The following GRIN2B variants were observed in gnomAD, a reference collection of about 807,000 sequenced individuals.
The protein encoded by GRIN2B is glutamate receptor ionotropic, NMDA 2B.
GRIN2B carries 5 observed loss-of-function variants against 114.5 expected under a neutral mutation model. That is an observed-to-expected ratio of 0.04 (90% CI 0.02 to 0.09). GRIN2B has a LOEUF of 0.09. Among genes scored for constraint, GRIN2B ranks in the 10% least tolerant of loss-of-function variants. The pLI is 1.00. For missense variants in GRIN2B, 1,108 were observed against 1,943.5 expected (o/e 0.57, Z 8.08); for synonymous variants, 787 against 745.1 (o/e 1.06, Z -0.92).
At chr12:13,694,684 T>C (rs978805725) in intron 4 of GRIN2B, among the ~76,000 whole-genome samples, 11 of 104,038 alleles carry the variant, frequency 1.1e-4, no homozygotes, top group South Asian at 7.7e-4. Flanking sequence ...TATATATATA[T>C]ATATATATAT....
At chr12:13,848,918 C>A (rs555756686) in intron 3 of GRIN2B, among the ~76,000 whole-genome samples, 2 of 152,198 alleles carry the variant, frequency 1.3e-5, no homozygotes, top group Non-Finnish European at 2.9e-5. Flanking sequence ...TCTGGAAGAA[C>A]TGAAATGACA....
intron 8 of GRIN2B, among the ~76,000 whole-genome samples, 182 bp from the exon 9 acceptor site, chr12:13,612,032 C>T (rs776925291): frequency 6.6e-6 from 1 of 152,216 alleles, no homozygotes; most frequent in Non-Finnish European, 1.5e-5. Flanking sequence ...TCAAGGATTG[C>T]CTTCCTTCAA....
At chr12:13,815,548 C>T (rs1184699675) in intron 3 of GRIN2B, among the ~76,000 whole-genome samples, 4 of 151,974 alleles carry the variant, frequency 2.6e-5, no homozygotes, top group Non-Finnish European at 4.4e-5. Context: ...GGGATACGTG[C>T]TAGAAAAACT....
intron 1 of GRIN2B, among the ~76,000 whole-genome samples, chr12:13,980,609 A>G (rs1001699878): frequency 2.0e-5 from 3 of 151,516 alleles, no homozygotes; most frequent in Admixed American, 2.0e-4. Context: ...ATGGAAGAGG[A>G]GAGAGGGAGG....
chr12:13,796,606 G>T (rs1178612272), intron 3 of GRIN2B, among the ~76,000 whole-genome samples: 1 of 152,128 alleles, frequency 6.6e-6, no homozygotes, highest in Admixed American at 6.5e-5. Context: ...AAAAGACAAT[G>T]ATCAACTCAT....
In GRIN2B at chr12:13,540,174, A is replaced by G. The variant is rs979790425; in HGVS notation, c.*22609T>C. The G allele has an allele frequency of 2.0e-5, 3 of 152,176 alleles. No homozygotes were observed. In the East Asian group the frequency reaches 5.8e-4, roughly 29 times the overall value. The allele number at this position is 152,176 out of a possible 1,614,324, so 9.4% of individuals were successfully genotyped here. A position where few individuals can be genotyped will look rare whatever the true frequency, so the allele number is the denominator to read the frequency against. On this transcript the variant is annotated 3_prime_UTR_variant, in exon 14 of 14. Transcript: ENST00000609686. ...TTTTTCCCAAACAGCACTTTTAACA[A>G]TCTTTTTGGAATCACAGTAAAGAAA...
intron 5 of GRIN2B, among the ~76,000 whole-genome samples, chr12:13,640,935 T>C (rs1949709039): frequency 1.3e-5 from 2 of 152,156 alleles, no homozygotes; most frequent in African/African-American, 4.8e-5. Flanking sequence ...GGTTACTTAT[T>C]GGTGGACACA....
chr12:13,707,076 A>C (rs1166359591), intron 4 of GRIN2B, among the ~76,000 whole-genome samples: 4 of 151,268 alleles, frequency 2.6e-5, no homozygotes, highest in Admixed American at 6.6e-5. Flanking sequence ...TTAATCTATG[A>C]GCATGAATGG....
At chr12:13,734,449 A>G (rs1052159180) in intron 4 of GRIN2B, among the ~76,000 whole-genome samples, 1 of 152,252 alleles carries the variant, frequency 6.6e-6, no homozygotes, top group Non-Finnish European at 1.5e-5. Context: ...TTATGTGCAC[A>G]TAGCAAATGC....
chr12:13,922,152 T>G (rs1255562233), intron 2 of GRIN2B, among the ~76,000 whole-genome samples: 1 of 152,176 alleles, frequency 6.6e-6, no homozygotes, highest in East Asian at 1.9e-4. Flanking sequence ...TTACTGGATT[T>G]GAGTAGTGTA....
At position 13,828,472 on chromosome 12, in the gene GRIN2B, G is replaced by A. The variant is rs540290761; in HGVS notation, c.411+37326C>T. ...AGCAAAAACTCAAAAGGAACCCAGC[G>A]CATATTACCGGAGCTCCTTCTAACC... On this transcript the variant is annotated intron_variant, in intron 3 of 13. Transcript: ENST00000609686. 9.3e-4 allele frequency among the ~76,000 whole-genome samples: 141 copies of A among 152,174 alleles called. 1 individual carries two copies. Among genetic ancestry groups the A allele is most frequent in the African/African-American group, 3.2e-3 (134 of 41,514 alleles).
intron 5 of GRIN2B, among the ~76,000 whole-genome samples, chr12:13,671,856 C>A (rs1304141109): frequency 6.6e-6 from 1 of 152,092 alleles, no homozygotes; most frequent in African/African-American, 2.4e-5. Flanking sequence ...GTCCTTGCCC[C>A]CAGGAAGCAT....
chr12:13,836,101 T>G (rs1865259396), intron 3 of GRIN2B, among the ~76,000 whole-genome samples: 1 of 152,196 alleles, frequency 6.6e-6, no homozygotes, highest in African/African-American at 2.4e-5. Context: ...GGACTGCATT[T>G]GTATGTAGTT....
intron 10 of GRIN2B, among the ~76,000 whole-genome samples, chr12:13,578,524 G>A (rs192684543): frequency 5.3e-4 from 80 of 152,248 alleles, no homozygotes; most frequent in African/African-American, 1.9e-3. Flanking sequence ...TTAGAGTAAA[G>A]CCATTATGGA....
chr12:13,865,141 G>A (rs73294829), intron 3 of GRIN2B, among the ~76,000 whole-genome samples: 1,580 of 152,270 alleles, frequency 0.01, 27 homozygotes, highest in African/African-American at 0.036. Flanking sequence ...AAAACAGTAT[G>A]GGGGAGAACA....
intron 4 of GRIN2B, among the ~76,000 whole-genome samples, chr12:13,714,917 T>C (rs1334958684): frequency 6.6e-6 from 1 of 151,806 alleles, no homozygotes; most frequent in Non-Finnish European, 1.5e-5. Context: ...ATTTCAAAAC[T>C]CTGGGAAATA....
At chr12:13,921,258 T>A (rs2136812288) in intron 2 of GRIN2B, among the ~76,000 whole-genome samples, 1 of 152,068 alleles carries the variant, frequency 6.6e-6, no homozygotes, top group South Asian at 2.1e-4. Flanking sequence ...ATTAGCCAGC[T>A]GTGGTGGTGC....
intron 5 of GRIN2B, among the ~76,000 whole-genome samples, chr12:13,625,530 T>C (rs1292107567): frequency 6.6e-6 from 1 of 152,186 alleles, no homozygotes; most frequent in Non-Finnish European, 1.5e-5. Flanking sequence ...TTTGCTATTT[T>C]TTCCTCCTCC....
chr12:13,946,413 C>CATT (rs1867363553), intron 2 of GRIN2B, among the ~76,000 whole-genome samples: 1 of 151,906 alleles, frequency 6.6e-6, no homozygotes, highest in African/African-American at 2.4e-5. Context: ...CATTTGATAT[C>CATT]ATTCCTTCTT....
Sources: allele counts gnomAD v4.1 joint callset (sites outside exome capture counted in the v4.1 genomes callset), GRCh38; gene constraint gnomAD v4.1.1; transcripts MANE v1.5; gene names NCBI Gene and HGNC (gene_info 2026-07-23, HGNC 2026-07-21).